The following CDH6 variants were observed in gnomAD, a reference collection of about 807,000 sequenced individuals.
CDH6 encodes cadherin 6.
CDH6 carries 31 observed loss-of-function variants against 78.0 expected under a neutral mutation model. That is an observed-to-expected ratio of 0.40 (90% confidence interval 0.30 to 0.54). CDH6 has a LOEUF of 0.54. CDH6 is among the 20% of genes least tolerant of loss of function. The pLI, the probability that CDH6 is intolerant of heterozygous loss-of-function variation, is 0.56. For missense variants in CDH6, 724 were observed against 975.9 expected, an observed-to-expected ratio of 0.74 and a Z score of 3.44; for synonymous variants, 376 against 368.8, an observed-to-expected ratio of 1.02 and a Z score of -0.23.
intron 1 of CDH6, among the ~76,000 whole-genome samples, chr5:31,211,287 G>A (rs1050358347): frequency 2.0e-5 from 3 of 152,056 alleles, no homozygotes; most frequent in African/African-American, 7.3e-5. Context: ...CATGCTCTGT[G>A]GGGTGGGGGG....
In CDH6 at chr5:31,323,649, C is replaced by G. The variant is rs1216064567; in HGVS notation, c.*341C>G. The G allele has an allele frequency of 3.2e-6, 1 of 308,980 alleles. No individual in the cohort carries two copies. Among genetic ancestry groups the G allele is most frequent in the Non-Finnish European group, 6.1e-6 (1 of 164,064 alleles). 19.1% of individuals were successfully genotyped at this position (308,980 alleles called of 1,614,324 possible). ...CTACACTCCATGTCAGGTCAGCCAA[C>G]TGCCCTAACTGTACATTTCACAGGC... On this transcript the variant is annotated 3_prime_UTR_variant, in exon 12 of 12. Transcript: ENST00000265071.
rs530165297 is a variant in CDH6 at position 31,205,001 on chromosome 5, C to T, written c.-129+11115C>T. Among the ~76,000 whole-genome samples the T allele has an allele frequency of 1.2e-4, 19 of 152,212 alleles. No individual in the cohort carries two copies. The South Asian group carries it at 2.3e-3, about 18-fold the overall frequency. On this transcript the variant is annotated intron_variant, in intron 1 of 11. Coordinates refer to ENST00000265071, the MANE Select transcript of CDH6 (RefSeq NM_004932.4). ...TGATTCCCTGCACAGCAAAAGCCCA[C>T]CTGATACAAACATAAGATGCTTTAT...
intron 11 of CDH6, among the ~76,000 whole-genome samples, chr5:31,322,119 T>C (rs1159506367): frequency 1.3e-5 from 2 of 152,202 alleles, no homozygotes; most frequent in Non-Finnish European, 2.9e-5. Context: ...CTCACTTACA[T>C]GTATTTATTT....
chr5:31,247,040 C>T (rs1010663886), intron 1 of CDH6, among the ~76,000 whole-genome samples: 1 of 152,156 alleles, frequency 6.6e-6, no homozygotes, highest in African/African-American at 2.4e-5. Context: ...CATGAGCTAC[C>T]GCACCCGGCC....
At chr5:31,228,218 G>A (rs1314924543) in intron 1 of CDH6, among the ~76,000 whole-genome samples, 1 of 152,126 alleles carries the variant, frequency 6.6e-6, no homozygotes, top group Non-Finnish European at 1.5e-5. Flanking sequence ...GGACCTTTGT[G>A]GTTATATTGG....
At position 31,326,686 on chromosome 5, in the gene CDH6, T is replaced by C. The variant is rs1218989109; in HGVS notation, c.*3378T>C. 7.5e-6 allele frequency: 1 copy of C among 133,732 alleles called. No individual in the cohort carries two copies. Among genetic ancestry groups the C allele is most frequent in the African/African-American group, 4.2e-5 (1 of 23,982 alleles). The allele number at this position is 133,732 out of a possible 1,614,324, so 8.3% of individuals were successfully genotyped here. On this transcript the variant is annotated 3_prime_UTR_variant, in exon 12 of 12. Coordinates refer to ENST00000265071, the MANE Select transcript of CDH6 (RefSeq NM_004932.4). ...GTTGTGCAGAAAATCTTAAAATTTT[T>C]TTTTTTTTTTTTTTTTTTTTTTTGA...
chr5:31,277,965 G>A (rs1037746126), intron 2 of CDH6, among the ~76,000 whole-genome samples: 2 of 152,030 alleles, frequency 1.3e-5, no homozygotes, highest in African/African-American at 4.8e-5. Flanking sequence ...ATGTTAATTA[G>A]CATATCCATT....
At chr5:31,212,582 A>G (rs1740737783) in intron 1 of CDH6, among the ~76,000 whole-genome samples, 1 of 152,184 alleles carries the variant, frequency 6.6e-6, no homozygotes, top group Non-Finnish European at 1.5e-5. Flanking sequence ...GTGTGAACCA[A>G]CTGCAGCCAA....
At chr5:31,280,737 T>G (rs2149940202) in intron 2 of CDH6, among the ~76,000 whole-genome samples, 1 of 152,158 alleles carries the variant, frequency 6.6e-6, no homozygotes, top group African/African-American at 2.4e-5. Context: ...TTTCAGTTGG[T>G]TTCTTTAACT....
At chr5:31,250,034 C>T (rs1317194119) in intron 1 of CDH6, 2 of 152,254 alleles carry the variant, frequency 1.3e-5, no homozygotes, top group African/African-American at 4.8e-5. Flanking sequence ...GGTTTCGAAA[C>T]CAGAGAACAC....
intron 1 of CDH6, among the ~76,000 whole-genome samples, chr5:31,207,096 A>T: frequency 6.6e-6 from 1 of 152,190 alleles, no homozygotes; most frequent in East Asian, 1.9e-4. Context: ...TTGAGGTGAT[A>T]GGATTTCAAT....
At chr5:31,205,841 A>C (rs910461593) in intron 1 of CDH6, among the ~76,000 whole-genome samples, 2 of 152,226 alleles carry the variant, frequency 1.3e-5, no homozygotes, top group African/African-American at 4.8e-5. Flanking sequence ...AATGAAGTAG[A>C]ATAATAAAAC....
At chr5:31,215,274 G>A (rs903677200) in intron 1 of CDH6, among the ~76,000 whole-genome samples, 2 of 152,122 alleles carry the variant, frequency 1.3e-5, no homozygotes, top group African/African-American at 4.8e-5. Context: ...ACTGGTCCCT[G>A]AAATAGTTTA....
At chr5:31,200,287 G>A (rs1268990076) in intron 1 of CDH6, among the ~76,000 whole-genome samples, 2 of 151,968 alleles carry the variant, frequency 1.3e-5, no homozygotes, top group African/African-American at 4.8e-5. Flanking sequence ...GGTATTTCAG[G>A]AAGGTAGCTA....
chr5:31,218,755 G>T (rs1346458533), intron 1 of CDH6, among the ~76,000 whole-genome samples: 2 of 152,206 alleles, frequency 1.3e-5, no homozygotes, highest in East Asian at 1.9e-4. Flanking sequence ...TCTGTCTCTT[G>T]CTTCTGTGAA....
intron 2 of CDH6, among the ~76,000 whole-genome samples, chr5:31,286,015 A>G (rs1743003684): frequency 6.6e-6 from 1 of 152,254 alleles, no homozygotes; most frequent in African/African-American, 2.4e-5. Flanking sequence ...CCTAAAGTCA[A>G]GAAAGAGTAT....
intron 1 of CDH6, among the ~76,000 whole-genome samples, chr5:31,230,854 G>T (rs995499035): frequency 7.2e-5 from 11 of 152,262 alleles, no homozygotes; most frequent in Middle Eastern, 3.4e-3. Context: ...ATAAACAATT[G>T]TAGGGGACTT....
At chr5:31,299,828 A>G (rs188602764) in intron 5 of CDH6, among the ~76,000 whole-genome samples, 197 bp downstream of exon 5, 2 of 152,318 alleles carry the variant, frequency 1.3e-5, no homozygotes, top group East Asian at 1.9e-4. Flanking sequence ...ATTGGTAATT[A>G]CCTGAGTGAT....
chr5:31,295,820 G>A (rs781428152), intron 3 of CDH6, among the ~76,000 whole-genome samples: 15 of 152,120 alleles, frequency 9.9e-5, no homozygotes, highest in Admixed American at 3.9e-4. Flanking sequence ...ACTCCAAAGG[G>A]CTATCATGAG....
Sources: allele counts gnomAD v4.1 joint callset (sites outside exome capture counted in the v4.1 genomes callset), GRCh38; gene constraint gnomAD v4.1.1; transcripts MANE v1.5; gene names NCBI Gene and HGNC (gene_info 2026-07-23, HGNC 2026-07-21).